Variants in CACNG4 observed in about 807,000 individuals in gnomAD.
The protein encoded by CACNG4 is voltage-dependent calcium channel gamma-4 subunit.
A neutral mutation model predicts 22.9 loss-of-function variants in CACNG4; 8 were observed. The ratio of observed to expected loss-of-function variants is 0.35; its 90% confidence interval spans 0.21 to 0.63. CACNG4 has a LOEUF of 0.63. Among genes scored for constraint, CACNG4 ranks in the 30% least tolerant of loss-of-function variants. The pLI, the probability that CACNG4 is intolerant of heterozygous loss-of-function variation, is 0.72. For missense variants in CACNG4, 357 were observed against 455.4 expected, an observed-to-expected ratio of 0.78 and a Z score of 1.97; for synonymous variants, 188 against 191.9, an observed-to-expected ratio of 0.98 and a Z score of 0.17.
At chr17:67,011,867 C>A (rs1230594247) in intron 1 of CACNG4, among the ~76,000 whole-genome samples, 3 of 152,116 alleles carry the variant, frequency 2.0e-5, no homozygotes, top group Admixed American at 6.5e-5. Context: ...GCTGCTGGGC[C>A]GCCTTCTCCC....
intron 1 of CACNG4, among the ~76,000 whole-genome samples, chr17:66,972,024 A>G (rs2035207768): frequency 6.6e-6 from 1 of 152,180 alleles, no homozygotes; most frequent in South Asian, 2.1e-4. Flanking sequence ...ACGTGGCAGC[A>G]GCAGAGATGG....
intron 2 of CACNG4, among the ~76,000 whole-genome samples, chr17:67,022,032 C>T (rs1168833185): frequency 6.6e-6 from 1 of 151,102 alleles, no homozygotes; most frequent in African/African-American, 2.4e-5. Context: ...GGATGGATGG[C>T]TCTGAGCCAA....
chr17:66,976,812 C>T (rs185073598), intron 1 of CACNG4, among the ~76,000 whole-genome samples: 1,787 of 152,278 alleles, frequency 0.012, 38 homozygotes, highest in Middle Eastern at 0.014. Flanking sequence ...GGCCTCTTTT[C>T]CCTCTGACAC....
At chr17:67,007,165 A>T (rs2035442714) in intron 1 of CACNG4, among the ~76,000 whole-genome samples, 1 of 151,446 alleles carries the variant, frequency 6.6e-6, no homozygotes. Context: ...ACAGAGCGAG[A>T]CTCTATCTCA....
intron 2 of CACNG4, among the ~76,000 whole-genome samples, chr17:67,020,527 G>A (rs993269706): frequency 6.6e-6 from 1 of 152,226 alleles, no homozygotes; most frequent in Non-Finnish European, 1.5e-5. Context: ...CTCTGCTGCT[G>A]GCAGAAGTCA....
At chr17:66,999,220 C>A (rs765987917) in intron 1 of CACNG4, among the ~76,000 whole-genome samples, 12 of 152,232 alleles carry the variant, frequency 7.9e-5, no homozygotes, top group Admixed American at 2.0e-4. Context: ...GTACATAGAA[C>A]GGCGATGACC....
chr17:67,004,368 A>G (rs1312671587), intron 1 of CACNG4, among the ~76,000 whole-genome samples: 2 of 152,154 alleles, frequency 1.3e-5, no homozygotes, highest in African/African-American at 4.8e-5. Flanking sequence ...AAAGTGTTGG[A>G]GGAGGCGTGA....
intron 2 of CACNG4, among the ~76,000 whole-genome samples, chr17:67,021,915 C>T (rs140909760): frequency 3.3e-5 from 5 of 152,276 alleles, no homozygotes; most frequent in African/African-American, 9.6e-5. Flanking sequence ...GCGCTGTGCC[C>T]GACCTGCACC....
intron 1 of CACNG4, among the ~76,000 whole-genome samples, chr17:66,991,036 G>A (rs991897107): frequency 6.6e-6 from 1 of 152,122 alleles, no homozygotes; most frequent in Non-Finnish European, 1.5e-5. Context: ...GGGCTGATAT[G>A]AGGATTAGAT....
intron 1 of CACNG4, among the ~76,000 whole-genome samples, chr17:66,982,100 G>A (rs2035278777): frequency 1.3e-5 from 2 of 152,300 alleles, no homozygotes; most frequent in Non-Finnish European, 2.9e-5. Context: ...AGCTCTTAAA[G>A]GTGGCACGGA....
intron 1 of CACNG4, among the ~76,000 whole-genome samples, chr17:66,999,754 C>T (rs564070887): frequency 1.4e-4 from 21 of 145,822 alleles, no homozygotes; most frequent in African/African-American, 5.1e-4. Context: ...TCCATTGACA[C>T]GTGGGAATAC....
chr17:67,013,649 A>G (rs907949282), intron 1 of CACNG4, among the ~76,000 whole-genome samples: 1 of 152,094 alleles, frequency 6.6e-6, no homozygotes. Context: ...TACCAAAAAT[A>G]CAAAAATTAG....
intron 1 of CACNG4, among the ~76,000 whole-genome samples, chr17:66,969,675 G>A (rs2035192212): frequency 6.6e-6 from 1 of 152,166 alleles, no homozygotes; most frequent in South Asian, 2.1e-4. Context: ...TGTCTCCCAA[G>A]GGGCCCCAGC....
At chr17:66,970,827 C>T (rs939319742) in intron 1 of CACNG4, among the ~76,000 whole-genome samples, 2 of 152,222 alleles carry the variant, frequency 1.3e-5, no homozygotes, top group Non-Finnish European at 2.9e-5. Context: ...GTGTCTGCTT[C>T]ACAGCTGGTG....
intron 1 of CACNG4, among the ~76,000 whole-genome samples, chr17:67,011,566 T>C (rs550799088): frequency 6.6e-6 from 1 of 152,338 alleles, no homozygotes; most frequent in South Asian, 2.1e-4. Flanking sequence ...TCCGTCTTAC[T>C]CAGACTGGCA....
chr17:67,013,096 C>T (rs1048286260), intron 1 of CACNG4, among the ~76,000 whole-genome samples: 1 of 152,156 alleles, frequency 6.6e-6, no homozygotes, highest in Non-Finnish European at 1.5e-5. Context: ...TGCCTGGACT[C>T]TTCCAATGTT....
chr17:66,993,852 C>T (rs1187637730), intron 1 of CACNG4, among the ~76,000 whole-genome samples: 2 of 152,102 alleles, frequency 1.3e-5, no homozygotes, highest in Admixed American at 6.5e-5. Context: ...AACTCCTGAC[C>T]TCGTGATCCA....
intron 1 of CACNG4, among the ~76,000 whole-genome samples, chr17:66,970,414 G>T (rs544565181): frequency 1.3e-5 from 2 of 152,182 alleles, no homozygotes; most frequent in Non-Finnish European, 2.9e-5. Context: ...AGATTAAGGT[G>T]TCGCTGGACT....
intron 1 of CACNG4, among the ~76,000 whole-genome samples, chr17:66,987,740 CT>C (rs1355145836): frequency 6.6e-6 from 1 of 152,178 alleles, no homozygotes; most frequent in Admixed American, 6.5e-5. Context: ...AATACCCTGA[CT>C]TTCCCCTTTT....
Sources: gnomAD v4.1 joint callset for allele counts (sites outside exome capture counted in the v4.1 genomes callset) on GRCh38, gnomAD v4.1.1 for gene constraint, MANE v1.5 for transcripts, NCBI Gene and HGNC (gene_info 2026-07-23, HGNC 2026-07-21) for gene names.